NFKB1: variants seen among roughly 807,000 people sequenced by gnomAD.
The protein encoded by NFKB1 is nuclear factor kappa B subunit 1, also known as nuclear factor NF-kappa-B p105 subunit.
In NFKB1, 9 loss-of-function variants were observed where a neutral mutation model predicts 105.1. That is an observed-to-expected ratio of 0.09 (90% CI 0.05 to 0.15). The LOEUF (loss-of-function observed/expected upper bound fraction) is 0.15, where lower values mean the gene tolerates loss of function less well. NFKB1 is among the 10% of genes least tolerant of loss of function. NFKB1 has a pLI of 1.00. For missense variants in NFKB1, 830 were observed against 1,203.7 expected (o/e 0.69, Z 4.59); for synonymous variants, 440 against 442.2 (o/e 1.00, Z 0.06).
chr4:102,612,312 C>A, intron 21 of NFKB1, 122 bp from the exon 22 acceptor site: 1 of 1,093,156 alleles, frequency 9.1e-7, no homozygotes, highest in African/African-American at 1.6e-5. Context: ...CTTTGACCTT[C>A]AAGTAGAGTA....
intron 17 of NFKB1, 66 bp from the exon 18 acceptor site, chr4:102,607,084 C>A: frequency 6.5e-7 from 1 of 1,534,342 alleles, no homozygotes; most frequent in Non-Finnish European, 9.0e-7. Context: ...TTTCCTTCAG[C>A]TTCACAAGGG....
At chr4:102,613,670 TTC>T (rs890462238) in intron 23 of NFKB1, 89 bp downstream of exon 23, 1 of 1,431,058 alleles carries the variant, frequency 7.0e-7, no homozygotes, top group African/African-American at 1.4e-5. Context: ...TGTGGCAGTT[TTC>T]TTTCTCGTTT....
At chr4:102,572,038 T>A (rs766832173) in intron 6 of NFKB1, among the ~76,000 whole-genome samples, 1 of 152,188 alleles carries the variant, frequency 6.6e-6, no homozygotes, top group Non-Finnish European at 1.5e-5. Context: ...TGCACACTTA[T>A]GTTTATTGCA....
chr4:102,610,221 G>A (rs1383820936), intron 19 of NFKB1, among the ~76,000 whole-genome samples: 1 of 152,182 alleles, frequency 6.6e-6, no homozygotes, highest in Non-Finnish European at 1.5e-5. Flanking sequence ...AATCCTGAGG[G>A]TGCACCCTAG....
At chr4:102,583,011 A>T in intron 10 of NFKB1, 54 bp downstream of exon 10, 1 of 1,245,494 alleles carries the variant, frequency 8.0e-7, no homozygotes, top group Non-Finnish European at 1.2e-6. Flanking sequence ...ATGGGATCTC[A>T]CTCTGACACC....
chr4:102,537,935 G>C lies in NFKB1; in HGVS notation c.237G>C (p.Lys79Asn). The C allele has an allele frequency of 1.9e-6, 3 of 1,609,630 alleles. No homozygotes were observed. Among genetic ancestry groups the C allele is most frequent in the Non-Finnish European group, 2.6e-6 (3 of 1,176,178 alleles). The change falls in exon 5 of 24, where the codon AAG (lysine) becomes AAC (asparagine). Residue 79 changes from lysine (K) to asparagine (N), a missense_variant. By Grantham distance (94) the Lys-to-Asn change is moderately conservative. Around this residue, in one of 8 missense-constraint regions of NFKB1, gnomAD observed 64 missense variants for 79.9 expected, o/e 0.80. Coordinates refer to ENST00000226574, the MANE Select transcript of NFKB1 (RefSeq NM_003998.4). ...CTGGTGCCTCTAGTGAAAAGAACAA[G>C]AAGTCTTACCCTCAGGTCAAAGTAA... ...GLPGASSEKN[K>N]KSYPQVKICN...
At chr4:102,595,940 T>C (rs1198678658) in intron 13 of NFKB1, among the ~76,000 whole-genome samples, 198 bp from the exon 14 acceptor site, 2 of 152,220 alleles carry the variant, frequency 1.3e-5, no homozygotes, top group African/African-American at 4.8e-5. Flanking sequence ...TAAAAATGAT[T>C]TTTAGAAATG....
chr4:102,548,286 C>A (rs983176419), intron 5 of NFKB1, among the ~76,000 whole-genome samples: 1 of 152,118 alleles, frequency 6.6e-6, no homozygotes, highest in Non-Finnish European at 1.5e-5. Flanking sequence ...AAGAAGAAGT[C>A]ACTGTGGCAT....
Position 102,584,581 on chromosome 4 carries a change from G to T in NFKB1, c.928-101G>T, listed in dbSNP as rs1055089216. On this transcript the variant is annotated intron_variant, in intron 10 of 23. Coordinates refer to ENST00000226574, the MANE Select transcript of NFKB1 (RefSeq NM_003998.4). ...TTAGTACACTGTGTCTAAACATTGG[G>T]TATAAAGAAAAGCATAAGGAATGTG... The T allele has an allele frequency of 1.2e-4, 149 of 1,194,226 alleles. No homozygotes were observed. In the African/African-American group the frequency reaches 2.2e-3, roughly 18 times the overall value. The allele number at this position is 1,194,226 out of a possible 1,614,324, so 74.0% of individuals were successfully genotyped here.
intron 9 of NFKB1, 38 bp downstream of exon 9, chr4:102,580,677 G>A: frequency 2.0e-6 from 3 of 1,502,558 alleles, no homozygotes; most frequent in Non-Finnish European, 2.8e-6. Flanking sequence ...CAAGAGGTGT[G>A]ATCTTGACAC....
intron 5 of NFKB1, among the ~76,000 whole-genome samples, chr4:102,542,386 A>G (rs1238556237): frequency 6.6e-6 from 1 of 152,142 alleles, no homozygotes; most frequent in African/African-American, 2.4e-5. Context: ...AAAAATTTTA[A>G]TTATAAATTC....
At chr4:102,545,583 CT>C (rs1192574023) in intron 5 of NFKB1, among the ~76,000 whole-genome samples, 2 of 152,074 alleles carry the variant, frequency 1.3e-5, no homozygotes, top group African/African-American at 4.8e-5. Context: ...GGCCTGCACT[CT>C]TAACCATTGT....
chr4:102,558,277 T>A (rs1431759835), intron 5 of NFKB1, among the ~76,000 whole-genome samples: 1 of 152,144 alleles, frequency 6.6e-6, no homozygotes, highest in East Asian at 1.9e-4. Context: ...CACTTATAAG[T>A]GAGAATATGC....
chr4:102,611,064 G>T (rs1728362904), intron 20 of NFKB1, among the ~76,000 whole-genome samples: 1 of 152,126 alleles, frequency 6.6e-6, no homozygotes, highest in Admixed American at 6.5e-5. Flanking sequence ...TTAGGTAAGT[G>T]ATTTCAGGAT....
intron 5 of NFKB1, among the ~76,000 whole-genome samples, chr4:102,550,530 G>A (rs1722493438): frequency 6.6e-6 from 1 of 152,078 alleles, no homozygotes; most frequent in South Asian, 2.1e-4. Context: ...GATATGAAAT[G>A]TGTATCTCAT....
chr4:102,581,245 T>C (rs564207208), intron 9 of NFKB1, among the ~76,000 whole-genome samples: 2 of 152,230 alleles, frequency 1.3e-5, no homozygotes, highest in Admixed American at 6.5e-5. Flanking sequence ...GAAAATGTGT[T>C]ATTTTCTCAA....
rs753560793 is a variant in NFKB1, at chr4:102,551,378, A to ATG, written c.258+13440_258+13441dup. 9.6e-3 allele frequency among the ~76,000 whole-genome samples: 909 copies of ATG among 94,584 alleles called. 5 individuals are homozygous for ATG. Among genetic ancestry groups the ATG allele is most frequent in the South Asian group, 0.019 (54 of 2,810 alleles). 62.1% of individuals were successfully genotyped at this position (94,584 alleles called of 152,430 possible). ...TGTGTGTGTGTGTGTGCGCGCGCGCATGTGTGTGTGTGTGTGTGTTGAGGT... is the reference window on the plus strand; with the variant it reads ...TGTGTGTGTGTGTGTGCGCGCGCGCATGTGTGTGTGTGTGTGTGTGTTGAGGT... On this transcript the variant is annotated intron_variant, in intron 5 of 23. Coordinates refer to ENST00000226574, the MANE Select transcript of NFKB1 (RefSeq NM_003998.4).
At chr4:102,611,269 T>G (rs914215541) in intron 20 of NFKB1, among the ~76,000 whole-genome samples, 5 of 152,152 alleles carry the variant, frequency 3.3e-5, no homozygotes, top group Non-Finnish European at 7.3e-5. Context: ...ACAAGATCAG[T>G]TCTTCTAGAG....
rs1455872358 is a variant in NFKB1, at chr4:102,501,629, T to A, written c.-167T>A. The A allele has an allele frequency of 6.7e-6, 1 of 148,788 alleles. No homozygotes were observed. Among genetic ancestry groups the A allele is most frequent in the Non-Finnish European group, 1.5e-5 (1 of 66,992 alleles). 9.2% of individuals were successfully genotyped at this position (148,788 alleles called of 1,614,324 possible). On this transcript the variant is annotated 5_prime_UTR_variant, in exon 1 of 24. Transcript: ENST00000226574. ...GGCCATGGCGCGGCGCTGACTGGCC[T>A]GGCCCGGCCCCGCCGCGCTCCCGCT... is the stretch of plus-strand genomic sequence containing the variant.
Sources: gnomAD v4.1 joint callset for allele counts (sites outside exome capture counted in the v4.1 genomes callset) on GRCh38, gnomAD v4.1.1 for gene constraint, gnomAD v4.1.1 regional missense constraint, MANE v1.5 for transcripts, NCBI Gene and HGNC (gene_info 2026-07-23, HGNC 2026-07-21) for gene names.